PPP1R36: variants seen among roughly 807,000 people sequenced by gnomAD.
PPP1R36 encodes the protein protein phosphatase 1 regulatory subunit 36.
A neutral mutation model predicts 53.4 loss-of-function variants in PPP1R36; 47 were observed. The observed-to-expected ratio is 0.88, with a 90% confidence interval of 0.70 to 1.12. PPP1R36 has a LOEUF of 1.12. Ranked by LOEUF, PPP1R36 falls within the 50% of genes most tolerant of loss-of-function variation. The pLI, the probability that PPP1R36 is intolerant of heterozygous loss-of-function variation, is 0.00. For missense variants in PPP1R36, 456 were observed against 513.9 expected, an observed-to-expected ratio of 0.89 and a Z score of 1.09; for synonymous variants, 153 against 170.5, an observed-to-expected ratio of 0.90 and a Z score of 0.80.
At chr14:64,563,021 C>G (rs1249749609) in intron 3 of PPP1R36, among the ~76,000 whole-genome samples, 3 of 152,106 alleles carry the variant, frequency 2.0e-5, no homozygotes, top group Non-Finnish European at 4.4e-5. Flanking sequence ...CATGGGCCAC[C>G]ACGCCTGGCT....
intron 3 of PPP1R36, among the ~76,000 whole-genome samples, chr14:64,563,922 TTC>T (rs2140227817): frequency 6.6e-6 from 1 of 152,318 alleles, no homozygotes; most frequent in Non-Finnish European, 1.5e-5. Context: ...CAAAACACTT[TTC>T]TCTGTTTTTC....
chr14:64,567,126 A>C (rs548270105), intron 6 of PPP1R36, among the ~76,000 whole-genome samples: 12 of 152,338 alleles, frequency 7.9e-5, no homozygotes, highest in African/African-American at 2.9e-4. Context: ...TGAAAAGAAA[A>C]TCTGTAATGC....
intron 8 of PPP1R36, among the ~76,000 whole-genome samples, chr14:64,584,169 TGGG>T (rs2080413419): frequency 6.6e-6 from 1 of 152,152 alleles, no homozygotes; most frequent in Non-Finnish European, 1.5e-5. Flanking sequence ...CCCAAAGTGC[TGGG>T]ATTACAGGCG....
At chr14:64,555,468 G>A (rs1319647553) in intron 3 of PPP1R36, among the ~76,000 whole-genome samples, 1 of 152,180 alleles carries the variant, frequency 6.6e-6, no homozygotes, top group African/African-American at 2.4e-5. Context: ...ATGTGGAAAA[G>A]CAGTCAGATT....
chr14:64,585,310 G>A lies in PPP1R36; in HGVS notation c.669-1527G>A, dbSNP rs560037901. Among the ~76,000 whole-genome samples the A allele has an allele frequency of 2.0e-5, 3 of 152,264 alleles. No homozygotes were observed. The South Asian group carries it at 6.2e-4, about 32-fold the overall frequency. On this transcript the variant is annotated intron_variant, in intron 8 of 11. Transcript: ENST00000298705. The stretch of plus-strand genomic sequence containing the variant: ...GTAGGTGGATAGCTTGAGCTCAGGA[G>A]TTCGAGACCAGCCTGGCCAACATGG...
intron 3 of PPP1R36, among the ~76,000 whole-genome samples, chr14:64,553,680 A>G (rs1365610112): frequency 6.6e-6 from 1 of 152,074 alleles, no homozygotes; most frequent in Non-Finnish European, 1.5e-5. Context: ...GCAGTGGGAG[A>G]CAGTATAAGG....
chr14:64,579,280 A>G (rs1034905476), intron 8 of PPP1R36, among the ~76,000 whole-genome samples: 5 of 152,244 alleles, frequency 3.3e-5, no homozygotes, highest in African/African-American at 1.2e-4. Context: ...ATTAAAAGAA[A>G]AAAGAAACCC....
intron 3 of PPP1R36, among the ~76,000 whole-genome samples, chr14:64,556,937 C>T (rs1355838364): frequency 6.6e-6 from 1 of 151,940 alleles, no homozygotes; most frequent in Non-Finnish European, 1.5e-5. Context: ...ACTTCAGCCC[C>T]CACTGCGCCC....
chr14:64,579,468 G>A (rs1200933092), intron 8 of PPP1R36, among the ~76,000 whole-genome samples: 2 of 152,118 alleles, frequency 1.3e-5, no homozygotes, highest in African/African-American at 4.8e-5. Flanking sequence ...GGCTGTTGGT[G>A]GAGGTTCAGC....
chr14:64,568,224 T>C, intron 6 of PPP1R36, 125 bp from the exon 7 acceptor site: 2 of 394,724 alleles, frequency 5.1e-6, no homozygotes, highest in South Asian at 2.1e-4. Context: ...AGTTCTTTGA[T>C]AGGCATGATA....
intron 6 of PPP1R36, among the ~76,000 whole-genome samples, chr14:64,568,083 T>A (rs1473945032): frequency 2.0e-5 from 3 of 152,366 alleles, no homozygotes; most frequent in South Asian, 4.1e-4. Flanking sequence ...AATAACTTTT[T>A]AAAAATTAAA....
chr14:64,583,564 C>T (rs1357343205), intron 8 of PPP1R36, among the ~76,000 whole-genome samples: 3 of 152,042 alleles, frequency 2.0e-5, no homozygotes, highest in African/African-American at 7.2e-5. Flanking sequence ...CCTGTAACCC[C>T]AGCACTTCAG....
At chr14:64,569,549 G>A (rs1199821467) in intron 7 of PPP1R36, among the ~76,000 whole-genome samples, 1 of 152,120 alleles carries the variant, frequency 6.6e-6, no homozygotes, top group Non-Finnish European at 1.5e-5. Flanking sequence ...AGCATGAAAT[G>A]TTTCTATGGT....
intron 3 of PPP1R36, among the ~76,000 whole-genome samples, chr14:64,562,940 C>T (rs1338843032): frequency 2.6e-5 from 4 of 152,048 alleles, no homozygotes; most frequent in Admixed American, 1.3e-4. Context: ...GATCTCGGCT[C>T]ACTGCAACCT....
At position 64,587,371 on chromosome 14, in the gene PPP1R36, AGG is replaced by A; in HGVS notation, c.890_890+1del. On this transcript the variant is annotated splice_donor_variant and coding_sequence_variant, in exon 10 of 12. Coordinates refer to ENST00000298705, the MANE Select transcript of PPP1R36 (RefSeq NM_172365.3). LOFTEE classifies it high-confidence loss of function. The stretch of plus-strand genomic sequence containing the variant: ...GAAACGCATGACTTTTGTTCAGTTC[AGG>A]TATGACCTTTTGACTTTCCTATGCT... 6.3e-7 allele frequency: 1 copy of A among 1,588,156 alleles called. No individual in the cohort carries two copies. Among genetic ancestry groups the A allele is most frequent in the Non-Finnish European group, 8.6e-7 (1 of 1,166,784 alleles).
intron 2 of PPP1R36, among the ~76,000 whole-genome samples, chr14:64,551,356 T>C (rs2080092602): frequency 6.6e-6 from 1 of 152,234 alleles, no homozygotes; most frequent in Non-Finnish European, 1.5e-5. Flanking sequence ...ATGTTTTTAA[T>C]TATAAAATTG....
intron 5 of PPP1R36, 28 bp downstream of exon 5, chr14:64,565,482 T>A: frequency 6.5e-7 from 1 of 1,529,712 alleles, no homozygotes; most frequent in Non-Finnish European, 9.1e-7. Flanking sequence ...TATGCATACA[T>A]AAACATACAT....
intron 7 of PPP1R36, among the ~76,000 whole-genome samples, 168 bp from the exon 8 acceptor site, chr14:64,574,287 T>A (rs2080325789): frequency 6.6e-6 from 1 of 152,156 alleles, no homozygotes; most frequent in Admixed American, 6.5e-5. Flanking sequence ...CCCTGGAGGT[T>A]GAGGCTGCAG....
At chr14:64,558,827 G>A (rs557009801) in intron 3 of PPP1R36, among the ~76,000 whole-genome samples, 1 of 151,978 alleles carries the variant, frequency 6.6e-6, no homozygotes, top group Admixed American at 6.6e-5. Context: ...GTACAGACGG[G>A]TTTTCACAAT....
Sources: allele counts gnomAD v4.1 joint callset (sites outside exome capture counted in the v4.1 genomes callset), GRCh38; gene constraint gnomAD v4.1.1; transcripts MANE v1.5; gene names NCBI Gene and HGNC (gene_info 2026-07-23, HGNC 2026-07-21).